GBE1: variants seen among roughly 807,000 people sequenced by gnomAD.
GBE1 encodes 1,4-alpha-glucan branching enzyme 1, also known as 1,4-alpha-glucan-branching enzyme.
A neutral mutation model predicts 88.8 loss-of-function variants in GBE1; 70 were observed. That is an observed-to-expected ratio of 0.79 (90% CI 0.65 to 0.96). GBE1 has a LOEUF of 0.96. Ranked by LOEUF, GBE1 falls within the 40% of genes least tolerant of loss-of-function variation. The pLI is 0.00. For missense variants in GBE1, 872 were observed against 871.0 expected, an observed-to-expected ratio of 1.00 and a Z score of -0.01; for synonymous variants, 284 against 300.1, an observed-to-expected ratio of 0.95 and a Z score of 0.56.
chr3:81,586,118 T>C lies in GBE1; in HGVS notation c.1309A>G (p.Met437Val), dbSNP rs1288041902. The C allele has an allele frequency of 5.0e-6, 8 of 1,609,508 alleles. No individual in the cohort carries two copies. Among genetic ancestry groups the C allele is most frequent in the Non-Finnish European group, 6.8e-6 (8 of 1,178,030 alleles). Residue 437 changes from methionine (M) to valine (V), a missense_variant, in exon 10 of 16, where the codon ATG (methionine) becomes GTG (valine). Met to Val is a conservative substitution (Grantham distance 21, BLOSUM62 1). Coordinates refer to ENST00000429644, the MANE Select transcript of GBE1 (RefSeq NM_000158.4). ...TGAATCCACTTATCTGGAATTGCCA[T>C]GGCTAGTCGATAGTCAAAACCACCC... Reference protein sequence around the residue: ...GGGGFDYRLAMAIPDKWIQLL... With the variant: ...GGGGFDYRLAVAIPDKWIQLL...
intron 7 of GBE1, among the ~76,000 whole-genome samples, chr3:81,636,578 T>G (rs1267061524): frequency 5.3e-5 from 8 of 151,766 alleles, no homozygotes; most frequent in Non-Finnish European, 1.2e-4. Context: ...TTGTCCAGGC[T>G]GGAGTGCAAT....
At chr3:81,695,368 T>C (rs1007574230) in intron 2 of GBE1, among the ~76,000 whole-genome samples, 9 of 152,234 alleles carry the variant, frequency 5.9e-5, no homozygotes, top group African/African-American at 1.9e-4. Context: ...AAAAATATTA[T>C]GCTAAATGAA....
chr3:81,507,076 C>CA lies in GBE1; in HGVS notation c.1935-7850dup, dbSNP rs954008168. Among the ~76,000 whole-genome samples, 887 of 147,502 alleles carry CA rather than the reference C, an allele frequency of 6.0e-3. 13 individuals are homozygous for CA. Among genetic ancestry groups the CA allele is most frequent in the African/African-American group, 0.02 (805 of 40,216 alleles). On this transcript the variant is annotated intron_variant, in intron 14 of 15. Transcript: ENST00000429644. ...GTACTCCTGAACTTAAAACATAAGT[C>CA]AAAAAAAAATGAGAGTTCTGATATT...
intron 14 of GBE1, among the ~76,000 whole-genome samples, chr3:81,519,979 A>AC (rs1210814188): frequency 6.6e-6 from 1 of 151,328 alleles, no homozygotes; most frequent in Non-Finnish European, 1.5e-5. Flanking sequence ...CATTGCTACC[A>AC]CCCCCAACCA....
chr3:81,527,556 G>A (rs1171205057), intron 14 of GBE1, among the ~76,000 whole-genome samples: 1 of 152,154 alleles, frequency 6.6e-6, no homozygotes, highest in African/African-American at 2.4e-5. Flanking sequence ...AATGGGCGAA[G>A]GATATGAACA....
chr3:81,608,475 A>G (rs897993231), intron 7 of GBE1, among the ~76,000 whole-genome samples: 2 of 152,184 alleles, frequency 1.3e-5, no homozygotes, highest in Non-Finnish European at 2.9e-5. Context: ...GCCCTCCTAA[A>G]TTACATTTTC....
intron 7 of GBE1, among the ~76,000 whole-genome samples, chr3:81,604,001 C>T (rs148340681): frequency 9.0e-4 from 137 of 152,050 alleles, no homozygotes; most frequent in Admixed American, 1.6e-3. Flanking sequence ...CCAAATTCAA[C>T]CAGCACCGAA....
At chr3:81,633,306 C>A (rs2107039707) in intron 7 of GBE1, among the ~76,000 whole-genome samples, 1 of 152,116 alleles carries the variant, frequency 6.6e-6, no homozygotes, top group Non-Finnish European at 1.5e-5. Context: ...CACAATTATA[C>A]AAGGTAGATA....
intron 1 of GBE1, among the ~76,000 whole-genome samples, chr3:81,756,290 A>T (rs554167333): frequency 6.6e-6 from 1 of 152,242 alleles, no homozygotes; most frequent in South Asian, 2.1e-4. Flanking sequence ...GTCACATGAA[A>T]CCTCTAGTAA....
At chr3:81,528,013 A>T (rs1702967617) in intron 14 of GBE1, among the ~76,000 whole-genome samples, 1 of 152,098 alleles carries the variant, frequency 6.6e-6, no homozygotes, top group African/African-American at 2.4e-5. Flanking sequence ...GTGACACATA[A>T]GCACCATGGA....
intron 1 of GBE1, among the ~76,000 whole-genome samples, chr3:81,750,589 GTATA>G (rs1225112913): frequency 6.5e-5 from 2 of 30,820 alleles, no homozygotes; most frequent in South Asian, 6.9e-4. Flanking sequence ...ATATATATAC[GTATA>G]TATATATGTG....
chr3:81,622,858 T>C (rs1704352106), intron 7 of GBE1, among the ~76,000 whole-genome samples: 1 of 152,136 alleles, frequency 6.6e-6, no homozygotes, highest in African/African-American at 2.4e-5. Context: ...CAGTTATACC[T>C]TCAACATGCA....
chr3:81,561,468 G>A (rs200535021), intron 12 of GBE1, among the ~76,000 whole-genome samples: 5 of 151,930 alleles, frequency 3.3e-5, no homozygotes, highest in Non-Finnish European at 7.4e-5. Flanking sequence ...TACTTCCCTC[G>A]TAATCTTTAG....
At chr3:81,562,020 A>G (rs1222233068) in intron 12 of GBE1, among the ~76,000 whole-genome samples, 1 of 152,070 alleles carries the variant, frequency 6.6e-6, no homozygotes, top group East Asian at 1.9e-4. Flanking sequence ...TGCTTTATGC[A>G]GATCTTGAAG....
chr3:81,606,961 G>A (rs551593323), intron 7 of GBE1, among the ~76,000 whole-genome samples: 1 of 152,212 alleles, frequency 6.6e-6, no homozygotes, highest in East Asian at 1.9e-4. Context: ...TATTCCCAGA[G>A]CCTAGCAGCT....
intron 12 of GBE1, among the ~76,000 whole-genome samples, chr3:81,552,372 G>C (rs1456424509): frequency 3.3e-5 from 5 of 152,004 alleles, no homozygotes; most frequent in African/African-American, 1.2e-4. Context: ...ACAAAAATTA[G>C]CTGAGCGCGT....
chr3:81,545,532 G>C (rs1286151724), intron 12 of GBE1, among the ~76,000 whole-genome samples: 1 of 151,890 alleles, frequency 6.6e-6, no homozygotes, highest in East Asian at 1.9e-4. Context: ...AAGAGAACAG[G>C]ATTTATCATT....
chr3:81,627,639 G>A (rs191246197), intron 7 of GBE1, among the ~76,000 whole-genome samples: 6 of 151,726 alleles, frequency 4.0e-5, no homozygotes, highest in Non-Finnish European at 8.8e-5. Flanking sequence ...ACATCAATTC[G>A]AGCTCAACTG....
intron 1 of GBE1, chr3:81,743,609 G>C: frequency 2.6e-6 from 4 of 1,534,784 alleles, no homozygotes; most frequent in Non-Finnish European, 3.5e-6. Context: ...CTGTTAATCT[G>C]GGCCGAATCC....
Sources: allele counts gnomAD v4.1 joint callset (sites outside exome capture counted in the v4.1 genomes callset), GRCh38; gene constraint gnomAD v4.1.1; transcripts MANE v1.5; gene names NCBI Gene and HGNC (gene_info 2026-07-23, HGNC 2026-07-21).